Variants in LRMDA observed in about 807,000 individuals in gnomAD.
The protein encoded by LRMDA is leucine-rich melanocyte differentiation-associated protein.
In LRMDA, 18 loss-of-function variants were observed where a neutral mutation model predicts 29.8. The observed-to-expected ratio is 0.60, with a 90% confidence interval of 0.42 to 0.90. LRMDA has a LOEUF of 0.90. Ranked by LOEUF, LRMDA falls within the 40% of genes least tolerant of loss-of-function variation. LRMDA has a pLI of 0.00. For synonymous variants in LRMDA, 125 were observed against 109.4 expected, an observed-to-expected ratio of 1.14 and a Z score of -0.89; for missense variants, 273 against 273.9, an observed-to-expected ratio of 1.00 and a Z score of 0.02.
intron 5 of LRMDA, among the ~76,000 whole-genome samples, chr10:76,212,997 C>T (rs1392221750): frequency 6.6e-6 from 1 of 152,198 alleles, no homozygotes; most frequent in Non-Finnish European, 1.5e-5. Flanking sequence ...AGCTCGTACT[C>T]CATGAGTGGG....
chr10:75,821,630 G>A lies in LRMDA; in HGVS notation c.132-214378G>A, dbSNP rs189748832. Reference sequence around the variant, plus strand: ...TAAAAATACAAAAAATTAGCTGGACGTGGTGGTGGGTGCCTGTAGTCCCAG... The same window carrying A: ...TAAAAATACAAAAAATTAGCTGGACATGGTGGTGGGTGCCTGTAGTCCCAG... On this transcript the variant is annotated intron_variant, in intron 2 of 6. Coordinates refer to ENST00000611255, the MANE Select transcript of LRMDA (RefSeq NM_001305581.2). Among the ~76,000 whole-genome samples the A allele has an allele frequency of 2.8e-3, 427 of 152,114 alleles. 2 individuals carry two copies. Among genetic ancestry groups the A allele is most frequent in the African/African-American group, 9.9e-3 (410 of 41,494 alleles).
chr10:75,530,893 T>G (rs1257998280), intron 2 of LRMDA, among the ~76,000 whole-genome samples: 1 of 152,232 alleles, frequency 6.6e-6, no homozygotes, highest in Admixed American at 6.5e-5. Flanking sequence ...TGAACTCTGT[T>G]GTCTATAGTT....
chr10:75,660,658 G>A (rs1794506783), intron 2 of LRMDA, among the ~76,000 whole-genome samples: 1 of 151,388 alleles, frequency 6.6e-6, no homozygotes. Context: ...AAATAATAAG[G>A]TTTTTCAAAA....
chr10:76,053,074 T>C (rs1227789215), intron 4 of LRMDA, among the ~76,000 whole-genome samples: 1 of 152,200 alleles, frequency 6.6e-6, no homozygotes, highest in Non-Finnish European at 1.5e-5. Flanking sequence ...TTCTGTGTTA[T>C]TAGTAGCTGT....
chr10:76,051,943 T>C (rs1417430535), intron 4 of LRMDA, among the ~76,000 whole-genome samples: 2 of 152,280 alleles, frequency 1.3e-5, no homozygotes, highest in Non-Finnish European at 2.9e-5. Flanking sequence ...TTTATTATTA[T>C]TATGAAACAT....
At chr10:76,289,450 A>G (rs1468237303) in intron 5 of LRMDA, among the ~76,000 whole-genome samples, 1 of 152,176 alleles carries the variant, frequency 6.6e-6, no homozygotes, top group African/African-American at 2.4e-5. Flanking sequence ...TTTGTAATGC[A>G]GAGAACACTT....
intron 1 of LRMDA, among the ~76,000 whole-genome samples, chr10:75,434,213 C>G (rs1358962755): frequency 1.3e-5 from 2 of 152,182 alleles, no homozygotes; most frequent in Admixed American, 1.3e-4. Flanking sequence ...TAATGAATCC[C>G]TTCTGTGGGG....
chr10:75,860,571 C>T (rs1844910984), intron 2 of LRMDA, among the ~76,000 whole-genome samples: 1 of 152,108 alleles, frequency 6.6e-6, no homozygotes, highest in Non-Finnish European at 1.5e-5. Context: ...ATCTGTCCGC[C>T]TCGGCCTCCC....
At chr10:76,089,177 C>G (rs1849188553) in intron 5 of LRMDA, among the ~76,000 whole-genome samples, 1 of 152,174 alleles carries the variant, frequency 6.6e-6, no homozygotes, top group South Asian at 2.1e-4. Context: ...CATCTACCTC[C>G]TGTGACAGAT....
chr10:76,220,358 T>C (rs1851808169), intron 5 of LRMDA, among the ~76,000 whole-genome samples: 1 of 151,408 alleles, frequency 6.6e-6, no homozygotes, highest in Non-Finnish European at 1.5e-5. Flanking sequence ...ATCAACAAAA[T>C]TGATAGACCA....
intron 2 of LRMDA, among the ~76,000 whole-genome samples, chr10:75,573,321 T>C (rs1840460503): frequency 6.6e-6 from 1 of 152,200 alleles, no homozygotes; most frequent in Non-Finnish European, 1.5e-5. Flanking sequence ...TTCATGTATT[T>C]ATTTATTTTT....
intron 2 of LRMDA, among the ~76,000 whole-genome samples, chr10:75,504,155 G>A (rs1046322602): frequency 2.6e-5 from 4 of 151,900 alleles, no homozygotes; most frequent in Non-Finnish European, 5.9e-5. Context: ...TAGTGCCTGG[G>A]TAATGTTTGT....
chr10:76,197,980 T>C (rs771331120), intron 5 of LRMDA, among the ~76,000 whole-genome samples: 3 of 152,022 alleles, frequency 2.0e-5, no homozygotes, highest in Non-Finnish European at 4.4e-5. Context: ...AACTACACAG[T>C]CTTTGTCCTT....
intron 5 of LRMDA, among the ~76,000 whole-genome samples, chr10:76,203,016 G>T (rs1851462235): frequency 6.6e-6 from 1 of 152,126 alleles, no homozygotes; most frequent in Non-Finnish European, 1.5e-5. Context: ...GCTACTCTTT[G>T]GTAAATGGTA....
At chr10:76,345,511 A>G (rs535231618) in intron 6 of LRMDA, among the ~76,000 whole-genome samples, 5 of 149,446 alleles carry the variant, frequency 3.3e-5, no homozygotes, top group African/African-American at 9.7e-5. Flanking sequence ...ATAAAAGGGA[A>G]TAAAACAAGG....
intron 6 of LRMDA, among the ~76,000 whole-genome samples, chr10:76,529,710 C>T (rs1318207778): frequency 6.6e-6 from 1 of 152,076 alleles, no homozygotes; most frequent in African/African-American, 2.4e-5. Context: ...CTCCTGAATT[C>T]TACTCTGACT....
intron 6 of LRMDA, among the ~76,000 whole-genome samples, chr10:76,424,082 A>C (rs1842098363): frequency 6.6e-6 from 1 of 152,164 alleles, no homozygotes; most frequent in African/African-American, 2.4e-5. Flanking sequence ...TCTGCCATCA[A>C]AACTTTCCTT....
intron 5 of LRMDA, among the ~76,000 whole-genome samples, chr10:76,211,054 T>A (rs1851625356): frequency 6.6e-6 from 1 of 152,230 alleles, no homozygotes; most frequent in African/African-American, 2.4e-5. Flanking sequence ...ACACTTCACC[T>A]GTCTTGTCCT....
chr10:75,973,903 C>A (rs182621960), intron 2 of LRMDA, among the ~76,000 whole-genome samples: 1 of 152,124 alleles, frequency 6.6e-6, no homozygotes, highest in Non-Finnish European at 1.5e-5. Flanking sequence ...TGAATCTCTA[C>A]AAAAGGGGCC....
Sources: allele counts gnomAD v4.1 joint callset (sites outside exome capture counted in the v4.1 genomes callset), GRCh38; gene constraint gnomAD v4.1.1; transcripts MANE v1.5; gene names NCBI Gene and HGNC (gene_info 2026-07-23, HGNC 2026-07-21).